The following DNAH2 variants were observed in gnomAD, a reference collection of about 807,000 sequenced individuals.
The protein encoded by DNAH2 is dynein axonemal heavy chain 2.
In DNAH2, 323 loss-of-function variants were observed where a neutral mutation model predicts 523.5. That is an observed-to-expected ratio of 0.62 (90% CI 0.56 to 0.68). The LOEUF is 0.68. Ranked by LOEUF, DNAH2 falls within the 30% of genes least tolerant of loss-of-function variation. DNAH2 has a pLI of 0.00. For synonymous variants in DNAH2, 2,093 were observed against 2,177.4 expected, an observed-to-expected ratio of 0.96 and a Z score of 1.08; for missense variants, 4,907 against 5,701.5, an observed-to-expected ratio of 0.86 and a Z score of 4.49.
intron 63 of DNAH2, among the ~76,000 whole-genome samples, chr17:7,809,928 G>C (rs1164327912): frequency 6.6e-6 from 1 of 151,620 alleles, no homozygotes; most frequent in Non-Finnish European, 1.5e-5. Flanking sequence ...TCTTGGTCTT[G>C]AATTCCCATC....
In DNAH2 at chr17:7,817,648, C is replaced by T; in HGVS notation, c.10108C>T (p.Gln3370Ter). ...TACCAAAGTCCGGGACTGGAACATC[C>T]AAGGGTTGCCCTCAGACGCCTTCTC... Reference protein sequence around the residue: ...NPTKVRDWNIQGLPSDAFSTE... With the variant: ...NPTKVRDWNI Residue 3370 changes from glutamine (Q) to a stop codon, truncating the protein, a stop_gained, in exon 66 of 86, where the codon CAA becomes TAA. Coordinates refer to ENST00000572933, the MANE Select transcript of DNAH2 (RefSeq NM_020877.5). LOFTEE classifies it high-confidence loss of function. 3 of 1,614,124 alleles carry T rather than the reference C, an allele frequency of 1.9e-6. No homozygotes were observed. Among genetic ancestry groups the T allele is most frequent in the Non-Finnish European group, 2.5e-6 (3 of 1,180,032 alleles).
At chr17:7,797,370 C>T (rs764390470) in intron 51 of DNAH2, 30 bp from the exon 52 acceptor site, 7 of 1,613,870 alleles carry the variant, frequency 4.3e-6, no homozygotes, top group Non-Finnish European at 5.1e-6. Context: ...CTCTTTATTC[C>T]CCGATCTCAC....
rs1387606435 is a variant in DNAH2 at position 7,779,236 on chromosome 17, C to T, written c.5542-7C>T. ...CGCTCCCAGTGACTCTGCCTTGCACCCCGCAGACTGGAGCTTGGGGCTGCT... is the reference window on the plus strand; with the variant it reads ...CGCTCCCAGTGACTCTGCCTTGCACTCCGCAGACTGGAGCTTGGGGCTGCT... On this transcript the variant is annotated splice_polypyrimidine_tract_variant and splice_region_variant and intron_variant, in intron 35 of 85. Coordinates refer to ENST00000572933, the MANE Select transcript of DNAH2 (RefSeq NM_020877.5). 6.2e-7 allele frequency: 1 copy of T among 1,613,478 alleles called. No individual in the cohort carries two copies. Among genetic ancestry groups the T allele is most frequent in the Admixed American group, 1.7e-5 (1 of 59,998 alleles).
At chr17:7,743,384 G>A (rs1046092989) in intron 12 of DNAH2, 23 of 703,504 alleles carry the variant, frequency 3.3e-5, no homozygotes, top group African/African-American at 5.3e-5. Context: ...AACAATGATC[G>A]GCCAGGCACG....
Position 7,757,110 on chromosome 17 carries a change from G to C in DNAH2, c.1924G>C (p.Ala642Pro). The stretch of plus-strand genomic sequence containing the variant: ...TCAAAGGTCCCTTCTGATTCTCTTT[G>C]CGGAAATTGACTACTGGGAGCGGCT... The part of the protein sequence containing the change: ...NFDKSLLILF[A>P]EIDYWERLLF... Residue 642 changes from alanine (A) to proline (P), a missense_variant, in exon 13 of 86, where the codon GCG (alanine) becomes CCG (proline). By Grantham distance (27) the Ala-to-Pro change is conservative. This residue lies in a region of DNAH2 where 2,806 missense variants were observed against 3,190.8 expected (regional missense o/e 0.88). Transcript: ENST00000572933. 1 of 1,614,086 alleles carries C rather than the reference G, an allele frequency of 6.2e-7. No homozygotes were observed. The highest frequency in any genetic ancestry group is 8.5e-7 in the Non-Finnish European group (1 of 1,180,022).
chr17:7,733,207 C>T lies in DNAH2; in HGVS notation c.520C>T (p.Leu174=), dbSNP rs1402829025. 1 of 1,614,104 alleles carries T rather than the reference C, an allele frequency of 6.2e-7. No individual in the cohort carries two copies. The highest frequency in any genetic ancestry group is 8.5e-7 in the Non-Finnish European group (1 of 1,180,060). The change falls in exon 5 of 86, where the codon CTG becomes TTG. Residue 174 remains leucine (L), a synonymous_variant. Transcript: ENST00000572933. ...CCCCTATATCCCGGCCCTGCTTCGG[C>T]TGCTCGGTGGAGTCTTTGCCCCTCA... The part of the protein sequence containing the change: ...RGPYIPALLR[L]LGGVFAPQIF...
chr17:7,805,029 G>T lies in DNAH2; in HGVS notation c.9255G>T (p.Gln3085His), dbSNP rs780265558. ...IKCQALADNA[Q>H]KDLEEALPAL... ...GTCAGGCACTGGCTGACAATGCCCA[G>T]AAAGATCTAGAAGAGGCACTGCCCG... Residue 3085 changes from glutamine to histidine, a missense_variant, in exon 60 of 86, where the codon CAG (glutamine) becomes CAT (histidine). Transcript: ENST00000572933. The T allele has an allele frequency of 1.2e-6, 2 of 1,614,156 alleles. No homozygotes were observed. The highest frequency in any genetic ancestry group is 1.1e-5 in the South Asian group (1 of 91,086).
Position 7,759,592 on chromosome 17 carries a change from G to C in DNAH2, c.2619G>C (p.Leu873=). 2.5e-6 allele frequency: 4 copies of C among 1,614,014 alleles called. No individual in the cohort carries two copies. The highest frequency in any genetic ancestry group is 3.4e-6 in the Non-Finnish European group (4 of 1,179,938). ...TCCTTGTCATTTTGAAGAATGATCT[G>C]CAAGGAAGTGTGGCACAGGTAAGAA... is the stretch of plus-strand genomic sequence containing the variant. ...FQVLVILKND[L]QGSVAQVEFS... Residue 873 remains leucine, a synonymous_variant, in exon 16 of 86, where the codon CTG becomes CTC. Transcript: ENST00000572933.
At chr17:7,749,725 G>A (rs1352006357) in intron 12 of DNAH2, among the ~76,000 whole-genome samples, 1 of 152,120 alleles carries the variant, frequency 6.6e-6, no homozygotes, top group Non-Finnish European at 1.5e-5. Flanking sequence ...GGCCAGGTGT[G>A]GTGGCTCATG....
At chr17:7,824,809 C>A in intron 77 of DNAH2, 82 bp downstream of exon 77, 1 of 1,204,276 alleles carries the variant, frequency 8.3e-7, no homozygotes, top group South Asian at 2.0e-5. Context: ...AGGGCTTAAC[C>A]AACAACAACA....
chr17:7,733,072 C>T lies in DNAH2; in HGVS notation c.400-15C>T, dbSNP rs1406151706. The T allele has an allele frequency of 5.0e-6, 8 of 1,613,252 alleles. No homozygotes were observed. The highest frequency in any genetic ancestry group is 1.7e-5 in the Admixed American group (1 of 59,976). On this transcript the variant is annotated splice_polypyrimidine_tract_variant and intron_variant, in intron 4 of 85. Coordinates refer to ENST00000572933, the MANE Select transcript of DNAH2 (RefSeq NM_020877.5). ...GGCCTGGAGACTGAACTCTGATCTGCTGTCTTCCATGCAGACCCAGAACCA... is the reference window on the plus strand; with the variant it reads ...GGCCTGGAGACTGAACTCTGATCTGTTGTCTTCCATGCAGACCCAGAACCA...
At chr17:7,830,958 T>C (rs1652084307) in intron 79 of DNAH2, 116 bp downstream of exon 79, 2 of 1,522,566 alleles carry the variant, frequency 1.3e-6, no homozygotes, top group Non-Finnish European at 1.8e-6. Context: ...AAGACAGAGT[T>C]TGTGGGATTG....
chr17:7,729,715 C>A (rs1377664277), intron 4 of DNAH2, among the ~76,000 whole-genome samples: 4 of 152,206 alleles, frequency 2.6e-5, no homozygotes, highest in Non-Finnish European at 2.9e-5. Context: ...CAGGTGTGAG[C>A]CACCACACCC....
chr17:7,757,586 C>T (rs1423479730), intron 13 of DNAH2, among the ~76,000 whole-genome samples: 2 of 152,178 alleles, frequency 1.3e-5, no homozygotes, highest in African/African-American at 4.8e-5. Flanking sequence ...AACTAAGGCC[C>T]TGCTGCCCCC....
rs201153606 is a variant in DNAH2, at chr17:7,798,741, G to C, written c.8559+23G>C. 122 of 1,603,632 alleles carry C rather than the reference G, an allele frequency of 7.6e-5. No individual in the cohort carries two copies. In the East Asian group the frequency reaches 2.6e-3, roughly 35 times the overall value. On this transcript the variant is annotated intron_variant, in intron 55 of 85. Coordinates refer to ENST00000572933, the MANE Select transcript of DNAH2 (RefSeq NM_020877.5). This position sits in a 1 kb window ranked among gnomAD's most constrained non-coding sequence, Gnocchi z 5.5. ...GAGGTAGGATTCCTTCCACACCCTTGACCAGTCAGTTCTTTGGCCTGCCTA... is the reference window on the plus strand; with the variant it reads ...GAGGTAGGATTCCTTCCACACCCTTCACCAGTCAGTTCTTTGGCCTGCCTA...
chr17:7,769,017 A>G (rs1023176984), intron 24 of DNAH2, among the ~76,000 whole-genome samples: 1 of 152,070 alleles, frequency 6.6e-6, no homozygotes, highest in Admixed American at 6.5e-5. Flanking sequence ...TGTGGCGCAG[A>G]CACCAAGCCT....
In DNAH2 at chr17:7,798,758, G is replaced by T; in HGVS notation, c.8559+40G>T. ...ACACCCTTGACCAGTCAGTTCTTTG[G>T]CCTGCCTAGCTGACCCCAGAAGGAC... On this transcript the variant is annotated intron_variant, in intron 55 of 85. Coordinates refer to ENST00000572933, the MANE Select transcript of DNAH2 (RefSeq NM_020877.5). This position sits in a 1 kb window ranked among gnomAD's most constrained non-coding sequence, Gnocchi z 5.5. 1.9e-6 allele frequency: 3 copies of T among 1,590,684 alleles called. No homozygotes were observed. The highest frequency in any genetic ancestry group is 2.6e-6 in the Non-Finnish European group (3 of 1,169,938).
In DNAH2 at chr17:7,733,100, T is replaced by C; in HGVS notation, c.413T>C (p.Leu138Pro). Residue 138 changes from leucine to proline, a missense_variant, in exon 5 of 86, where the codon CTT becomes CCT. Leu to Pro is a moderately conservative substitution (Grantham distance 98). Transcript: ENST00000572933. ...TCTTCCATGCAGACCCAGAACCAGC[T>C]TGTCTACTTCATTCGCCAAGCACCA... ...LGMPVQTQNQ[L>P]VYFIRQAPVP... The C allele has an allele frequency of 1.2e-6, 2 of 1,614,162 alleles. No homozygotes were observed. The highest frequency in any genetic ancestry group is 1.7e-6 in the Non-Finnish European group (2 of 1,180,032).
At chr17:7,722,533 C>T (rs576735720) in intron 2 of DNAH2, among the ~76,000 whole-genome samples, 42 of 152,258 alleles carry the variant, frequency 2.8e-4, no homozygotes, top group South Asian at 6.2e-4. Context: ...ATCAGAGCCT[C>T]GTCTTTTAGC....
Sources: gnomAD v4.1 joint callset for allele counts (sites outside exome capture counted in the v4.1 genomes callset) on GRCh38, gnomAD v4.1.1 for gene constraint, gnomAD v4.1.1 regional missense constraint, Gnocchi (gnomAD v3.1) non-coding constraint, MANE v1.5 for transcripts, NCBI Gene and HGNC (gene_info 2026-07-23, HGNC 2026-07-21) for gene names.